Variants in HMCN2 observed in about 807,000 individuals in gnomAD.
The protein encoded by HMCN2 is hemicentin 2.
Under a neutral mutation model 377.5 loss-of-function variants are expected in HMCN2, and 325 were observed. The ratio of observed to expected loss-of-function variants is 0.86; its 90% CI spans 0.79 to 0.94. HMCN2 has a LOEUF of 0.94. HMCN2 is among the 40% of genes least tolerant of loss of function. HMCN2 has a pLI of 0.00. For synonymous variants in HMCN2, 2,007 were observed against 2,046.8 expected (o/e 0.98, Z 0.53); for missense variants, 4,543 against 4,725.3 (o/e 0.96, Z 1.13).
rs1199307504 is a variant in HMCN2 at position 130,361,171 on chromosome 9, C to A, written c.5950+567C>A. 6.6e-6 allele frequency among the ~76,000 whole-genome samples: 1 copy of A among 152,216 alleles called. No individual in the cohort carries two copies. Among genetic ancestry groups the A allele is most frequent in the Non-Finnish European group, 1.5e-5 (1 of 68,040 alleles). On this transcript the variant is annotated intron_variant, in intron 38 of 97. Coordinates refer to ENST00000683500, the MANE Select transcript of HMCN2 (RefSeq NM_001291815.2). This position sits in a 1 kb window ranked among gnomAD's most constrained non-coding sequence, Gnocchi z 4.8. ...GACCTAGAGCCCTAGATAAGACAGA[C>A]CTAGGAGCTTTCAGTGTAGTGGAGG...
intron 61 of HMCN2, among the ~76,000 whole-genome samples, chr9:130,387,128 C>A (rs1029253649): frequency 6.6e-6 from 1 of 152,220 alleles, no homozygotes. Flanking sequence ...GTCCCATCCA[C>A]CCAAGGATGG....
intron 53 of HMCN2, among the ~76,000 whole-genome samples, chr9:130,378,193 C>T (rs926390095): frequency 4.0e-5 from 6 of 151,488 alleles, no homozygotes; most frequent in Non-Finnish European, 7.4e-5. Context: ...GTACCTGGGG[C>T]TCATTATATT....
At chr9:130,324,495 C>T (rs2131412296) in intron 19 of HMCN2, among the ~76,000 whole-genome samples, 1 of 152,296 alleles carries the variant, frequency 6.6e-6, no homozygotes, top group South Asian at 2.1e-4. Flanking sequence ...CAGGGCGGCC[C>T]GTTGTTAGCA....
chr9:130,391,198 C>T lies in HMCN2; in HGVS notation c.9668-6C>T. On this transcript the variant is annotated splice_region_variant and splice_polypyrimidine_tract_variant and intron_variant, in intron 63 of 97. Transcript: ENST00000683500. ...CACCCAGGGCCTCACTGCACCCCTG[C>T]CTCAGTGGCCCCCCGGATCCGGAGC... 1 of 987,992 alleles carries T rather than the reference C, an allele frequency of 1.0e-6. No individual in the cohort carries two copies. The highest frequency in any genetic ancestry group is 1.2e-6 in the Non-Finnish European group (1 of 830,286). 61.2% of individuals were successfully genotyped at this position (987,992 alleles called of 1,614,324 possible). A position where few individuals can be genotyped will look rare whatever the true frequency, so the allele number is the denominator to read the frequency against.
intron 85 of HMCN2, among the ~76,000 whole-genome samples, chr9:130,412,567 C>CTTTTTTTTTTTT (rs55873444): frequency 8.0e-4 from 108 of 134,458 alleles, no homozygotes; most frequent in South Asian, 1.2e-3. Context: ...CTTTCTTTCT[C>CTTTTTTTTTTTT]TTTTTTTTTT....
chr9:130,405,371 G>A (rs1843043162), intron 81 of HMCN2, among the ~76,000 whole-genome samples: 1 of 152,266 alleles, frequency 6.6e-6, no homozygotes, highest in African/African-American at 2.4e-5. Context: ...TGTCAACCAT[G>A]CGTTGGCATT....
intron 1 of HMCN2, among the ~76,000 whole-genome samples, chr9:130,281,644 A>G (rs1588166366): frequency 6.6e-6 from 1 of 151,284 alleles, no homozygotes; most frequent in East Asian, 2.0e-4. Context: ...CTGTAATCGC[A>G]GCACTTTGGG....
chr9:130,353,092 G>A lies in HMCN2; in HGVS notation c.4751G>A (p.Gly1584Asp). ...AGCACCAAGGTGGTCTACACTAGGGGCGGTCGGCAGTTGCAGCTGGGGAGG... is the reference window on the plus strand; with the variant it reads ...AGCACCAAGGTGGTCTACACTAGGGACGGTCGGCAGTTGCAGCTGGGGAGG... ...PTSTKVVYTR[G>D]GRQLQLGRAQ... The change falls in exon 31 of 98, where the codon GGC (glycine) becomes GAC (aspartate). Residue 1584 changes from glycine to aspartate, a missense_variant. Coordinates refer to ENST00000683500, the MANE Select transcript of HMCN2 (RefSeq NM_001291815.2). 7.7e-7 allele frequency: 1 copy of A among 1,304,280 alleles called. No individual in the cohort carries two copies. Among genetic ancestry groups the A allele is most frequent in the Middle Eastern group, 2.1e-4 (1 of 4,698 alleles). The allele number at this position is 1,304,280 out of a possible 1,614,324, so 80.8% of individuals were successfully genotyped here.
At chr9:130,377,881 A>G in intron 53 of HMCN2, 82 bp downstream of exon 53, 1 of 947,424 alleles carries the variant, frequency 1.1e-6, no homozygotes, top group South Asian at 4.9e-5. Flanking sequence ...GGCCCCCACC[A>G]TGTGTCCTGC....
intron 18 of HMCN2, among the ~76,000 whole-genome samples, 197 bp downstream of exon 18, chr9:130,321,100 C>T (rs1315437735): frequency 7.9e-5 from 12 of 152,184 alleles, no homozygotes; most frequent in Admixed American, 4.6e-4. Flanking sequence ...AAAGTCCCGC[C>T]GGCTGTCAGA....
At chr9:130,405,468 G>A (rs1199083285) in intron 81 of HMCN2, among the ~76,000 whole-genome samples, 1 of 152,156 alleles carries the variant, frequency 6.6e-6, no homozygotes, top group Non-Finnish European at 1.5e-5. Flanking sequence ...ATCAGATTCT[G>A]CAATTTTATG....
chr9:130,310,010 G>C lies in HMCN2; in HGVS notation c.2299G>C (p.Ala767Pro), dbSNP rs369089703. 1.5e-5 allele frequency: 8 copies of C among 533,864 alleles called. No homozygotes were observed. Among genetic ancestry groups the C allele is most frequent in the African/African-American group, 1.2e-4 (6 of 51,958 alleles). 33.1% of individuals were successfully genotyped at this position (533,864 alleles called of 1,614,324 possible). Residue 767 changes from alanine (A) to proline (P), a missense_variant, in exon 15 of 98, where the codon GCT (alanine) becomes CCT (proline). Transcript: ENST00000683500. ...GGATGCTGGCACCTACACCTGCCGG[G>C]CTGTCAATGAGTTGGGTGACGCCTC... ...ERDAGTYTCRAVNELGDASAE... is the reference protein window; with the variant it reads ...ERDAGTYTCRPVNELGDASAE...
Position 130,403,258 on chromosome 9 carries a change from G to A in HMCN2, c.11943G>A (p.Leu3981=). The change falls in exon 79 of 98, where the codon CTG becomes CTA. Residue 3981 remains leucine, a synonymous_variant. Coordinates refer to ENST00000683500, the MANE Select transcript of HMCN2 (RefSeq NM_001291815.2). ...VRAVAEEEVL[L]PCEASGIPRP... ...CAGTGGCAGAGGAGGAGGTGCTGCT[G>A]CCCTGCGAGGCCTCAGGCATCCCCC... is the stretch of plus-strand genomic sequence containing the variant. The A allele has an allele frequency of 7.8e-7, 1 of 1,289,818 alleles. No individual in the cohort carries two copies. The highest frequency in any genetic ancestry group is 1.0e-6 in the Non-Finnish European group (1 of 988,866). The allele number at this position is 1,289,818 out of a possible 1,614,324, so 79.9% of individuals were successfully genotyped here. A position where few individuals can be genotyped will look rare whatever the true frequency, so the allele number is the denominator to read the frequency against.
rs1459123078 is a variant in HMCN2 at position 130,361,170 on chromosome 9, A to T, written c.5950+566A>T. ...GGACCTAGAGCCCTAGATAAGACAG[A>T]CCTAGGAGCTTTCAGTGTAGTGGAG... On this transcript the variant is annotated intron_variant, in intron 38 of 97. Transcript: ENST00000683500. This position sits in a 1 kb window ranked among gnomAD's most constrained non-coding sequence, Gnocchi z 4.8. Among the ~76,000 whole-genome samples, 11 of 152,210 alleles carry T rather than the reference A, an allele frequency of 7.2e-5. No individual in the cohort carries two copies. Among genetic ancestry groups the T allele is most frequent in the African/African-American group, 1.4e-4 (6 of 41,452 alleles).
chr9:130,383,272 GA>G (rs201219600), intron 56 of HMCN2, among the ~76,000 whole-genome samples: 7 of 151,908 alleles, frequency 4.6e-5, no homozygotes, highest in African/African-American at 1.7e-4. Context: ...AGGGGTGGGG[GA>G]GGCTCTTGTC....
intron 19 of HMCN2, among the ~76,000 whole-genome samples, chr9:130,323,187 G>T (rs1837942330): frequency 6.6e-6 from 1 of 152,156 alleles, no homozygotes; most frequent in African/African-American, 2.4e-5. Flanking sequence ...GTCTCTCTTG[G>T]CTCAGTTCAT....
rs140873727 is a variant in HMCN2, at chr9:130,388,857, C to T, written c.9523+317C>T. On this transcript the variant is annotated intron_variant, in intron 62 of 97. Coordinates refer to ENST00000683500, the MANE Select transcript of HMCN2 (RefSeq NM_001291815.2). ...GCAGGTGCTGAGGGCCATGGAAAGC[C>T]CACTGGCTGACACTGGGCTCAGCAT... 4.0e-3 allele frequency among the ~76,000 whole-genome samples: 607 copies of T among 152,330 alleles called. 1 individual carries two copies. Among genetic ancestry groups the T allele is most frequent in the Middle Eastern group, 0.014 (4 of 294 alleles).
At chr9:130,330,162 C>T (rs1021729486) in intron 22 of HMCN2, among the ~76,000 whole-genome samples, 1 of 152,108 alleles carries the variant, frequency 6.6e-6, no homozygotes, top group Non-Finnish European at 1.5e-5. Flanking sequence ...TCTGGTGAGT[C>T]GTAGGTGCTC....
intron 45 of HMCN2, among the ~76,000 whole-genome samples, chr9:130,370,124 G>T (rs1840935184): frequency 6.6e-6 from 1 of 152,118 alleles, no homozygotes; most frequent in South Asian, 2.1e-4. Context: ...TCTGTTCTGG[G>T]CACTGGGAAA....
Sources: allele counts gnomAD v4.1 joint callset (sites outside exome capture counted in the v4.1 genomes callset), GRCh38; gene constraint gnomAD v4.1.1; non-coding constraint Gnocchi (gnomAD v3.1); transcripts MANE v1.5; gene names NCBI Gene and HGNC (gene_info 2026-07-23, HGNC 2026-07-21).